The following SHCBP1L variants were observed in gnomAD, a reference collection of about 807,000 sequenced individuals.
SHCBP1L encodes SHC binding and spindle associated 1 like.
SHCBP1L carries 67 observed loss-of-function variants against 62.5 expected under a neutral mutation model. The ratio of observed to expected loss-of-function variants is 1.07; its 90% CI spans 0.88 to 1.31. The LOEUF is 1.31. SHCBP1L is among the 40% of genes most tolerant of loss of function. SHCBP1L has a pLI of 0.00. For synonymous variants in SHCBP1L, 284 were observed against 289.4 expected (o/e 0.98, Z 0.19); for missense variants, 823 against 809.8 (o/e 1.02, Z -0.20).
At chr1:182,944,148 A>ATAAATAAATAAATAAATAAG (rs1651473382) in intron 2 of SHCBP1L, among the ~76,000 whole-genome samples, 1 of 149,682 alleles carries the variant, frequency 6.7e-6, no homozygotes, top group Admixed American at 6.7e-5. Flanking sequence ...AAATAAATAA[A>ATAAATAAATAAATAAATAAG]TAAATAAAAG....
intron 5 of SHCBP1L, among the ~76,000 whole-genome samples, chr1:182,930,653 ATGTGTG>A (rs1182783771): frequency 0.055 from 1,336 of 24,506 alleles, 91 homozygotes; most frequent in Middle Eastern, 0.2. Context: ...CCTGGAGTAT[ATGTGTG>A]TGTGTGTGTG....
intron 6 of SHCBP1L, among the ~76,000 whole-genome samples, chr1:182,927,067 T>C (rs1650780650): frequency 6.2e-4 from 1 of 1,622 alleles, no homozygotes; most frequent in Non-Finnish European, 1.4e-3. Context: ...TATATATATA[T>C]ATATATATAT....
intron 6 of SHCBP1L, among the ~76,000 whole-genome samples, chr1:182,924,781 A>AG (rs1557996844): frequency 3.2e-4 from 35 of 108,672 alleles, no homozygotes; most frequent in African/African-American, 1.9e-3. Context: ...AGAAAGAAAG[A>AG]AAGAAAGAGA....
intron 5 of SHCBP1L, among the ~76,000 whole-genome samples, chr1:182,935,879 T>A (rs903870537): frequency 2.0e-5 from 3 of 152,224 alleles, no homozygotes; most frequent in African/African-American, 7.2e-5. Flanking sequence ...CCCTTTACTT[T>A]GAACATATCT....
intron 6 of SHCBP1L, among the ~76,000 whole-genome samples, chr1:182,922,487 G>A (rs1650556541): frequency 6.6e-6 from 1 of 151,764 alleles, no homozygotes; most frequent in South Asian, 2.1e-4. Flanking sequence ...CTGGAAGGTG[G>A]AGGTTGCAGT....
rs1370724836 is a variant in SHCBP1L at position 182,952,745 on chromosome 1, A to G, written c.389T>C (p.Val130Ala). The change falls in exon 1 of 10, where the codon GTG (valine) becomes GCG (alanine). Residue 130 changes from valine to alanine, a missense_variant. Physicochemically the swap from Val to Ala is moderately conservative, Grantham distance 64 (BLOSUM62 0). Coordinates refer to ENST00000367547, the MANE Select transcript of SHCBP1L (RefSeq NM_030933.4). ...DEKVSLYCDE[V>A]LQDCKAEDAD... ...TCCGCTCACCTTACAGTCCTGCAGC[A>G]CTTCGTCGCAATACAGCGACACCTT... 6 of 1,610,086 alleles carry G rather than the reference A, an allele frequency of 3.7e-6. No individual in the cohort carries two copies. Among genetic ancestry groups the G allele is most frequent in the Non-Finnish European group, 5.1e-6 (6 of 1,178,550 alleles).
At chr1:182,915,563 G>C (rs1390834127) in intron 6 of SHCBP1L, among the ~76,000 whole-genome samples, 2 of 152,074 alleles carry the variant, frequency 1.3e-5, no homozygotes, top group Non-Finnish European at 2.9e-5. Flanking sequence ...TAGAGGACTT[G>C]AACAACAGTA....
intron 1 of SHCBP1L, 106 bp downstream of exon 1, chr1:182,952,623 G>T: frequency 3.0e-6 from 4 of 1,343,218 alleles, no homozygotes; most frequent in East Asian, 2.6e-5. Flanking sequence ...GCAAGTTTTC[G>T]TTGTGCCCTG....
Position 182,905,559 on chromosome 1 carries a change from T to G in SHCBP1L, c.1273A>C (p.Ile425Leu). 6.2e-7 allele frequency: 1 copy of G among 1,613,728 alleles called. No homozygotes were observed. Among genetic ancestry groups the G allele is most frequent in the Non-Finnish European group, 8.5e-7 (1 of 1,179,826 alleles). ...DNCYSGDTVI[I>L]FPGEYQAANL... ...GCAGCTTGATATTCTCCTGGAAAAA[T>G]TATTACTGTATCTCCACTATAACAA... Residue 425 changes from isoleucine to leucine, a missense_variant, in exon 7 of 10, where the codon ATT becomes CTT. Coordinates refer to ENST00000367547, the MANE Select transcript of SHCBP1L (RefSeq NM_030933.4).
intron 6 of SHCBP1L, among the ~76,000 whole-genome samples, chr1:182,927,318 G>T (rs1241623267): frequency 6.6e-6 from 1 of 151,758 alleles, no homozygotes; most frequent in Non-Finnish European, 1.5e-5. Flanking sequence ...CGTCTAAGGG[G>T]TGGGTATAGA....
At chr1:182,926,362 A>G (rs569007150) in intron 6 of SHCBP1L, among the ~76,000 whole-genome samples, 1 of 152,336 alleles carries the variant, frequency 6.6e-6, no homozygotes, top group South Asian at 2.1e-4. Context: ...CACCTTCTGT[A>G]GCACTTCAGG....
intron 6 of SHCBP1L, among the ~76,000 whole-genome samples, chr1:182,913,445 C>A (rs547698213): frequency 6.6e-6 from 1 of 152,156 alleles, no homozygotes; most frequent in South Asian, 2.1e-4. Flanking sequence ...GAAAGCCCCA[C>A]ATATTTTGGG....
chr1:182,953,046 C>A lies in SHCBP1L; in HGVS notation c.88G>T (p.Val30Phe). 1 of 1,546,042 alleles carries A rather than the reference C, an allele frequency of 6.5e-7. No individual in the cohort carries two copies. The highest frequency in any genetic ancestry group is 8.7e-7 in the Non-Finnish European group (1 of 1,151,280). The change falls in exon 1 of 10, where the codon GTC becomes TTC. Residue 30 changes from valine to phenylalanine, a missense_variant. Physicochemically the swap from Val to Phe is conservative, Grantham distance 50. Coordinates refer to ENST00000367547, the MANE Select transcript of SHCBP1L (RefSeq NM_030933.4). ...GTCGCGGCCGCCGTGTCCCCGGAGA[C>A]AGCGGAGGCGGACTTCTCGCCTCGC... ...DRRGEKSASAVSGDTAAATTL... is the reference protein window; with the variant it reads ...DRRGEKSASAFSGDTAAATTL...
intron 6 of SHCBP1L, among the ~76,000 whole-genome samples, chr1:182,910,149 T>C (rs1650133869): frequency 6.6e-6 from 1 of 152,188 alleles, no homozygotes; most frequent in Admixed American, 6.5e-5. Context: ...GCTCTTCCAC[T>C]GAAGCAAACA....
chr1:182,924,297 ATTT>A (rs1216759641), intron 6 of SHCBP1L, among the ~76,000 whole-genome samples: 4 of 137,420 alleles, frequency 2.9e-5, no homozygotes, highest in Non-Finnish European at 3.1e-5. Flanking sequence ...AGAAGAATCA[ATTT>A]TTTTTTTTTT....
chr1:182,922,716 A>G (rs2101934249), intron 6 of SHCBP1L, among the ~76,000 whole-genome samples: 1 of 152,352 alleles, frequency 6.6e-6, no homozygotes, highest in Non-Finnish European at 1.5e-5. Context: ...GAGAACAAGG[A>G]TATAACATAC....
chr1:182,914,854 T>C (rs1650302071), intron 6 of SHCBP1L, among the ~76,000 whole-genome samples: 3 of 152,124 alleles, frequency 2.0e-5, no homozygotes, highest in Admixed American at 6.5e-5. Flanking sequence ...AGAAAAATAA[T>C]CCAACTATAT....
chr1:182,942,859 A>G (rs560578279), intron 2 of SHCBP1L, among the ~76,000 whole-genome samples: 1 of 152,332 alleles, frequency 6.6e-6, no homozygotes, highest in South Asian at 2.1e-4. Flanking sequence ...ATAAAACAAT[A>G]ATCACTTAAA....
At chr1:182,926,211 A>G (rs184222579) in intron 6 of SHCBP1L, among the ~76,000 whole-genome samples, 58 of 152,312 alleles carry the variant, frequency 3.8e-4, no homozygotes, top group Admixed American at 7.2e-4. Flanking sequence ...TTAAGAAAGG[A>G]AAAAAGATAC....
Sources: gnomAD v4.1 joint callset for allele counts (sites outside exome capture counted in the v4.1 genomes callset) on GRCh38, gnomAD v4.1.1 for gene constraint, MANE v1.5 for transcripts, NCBI Gene and HGNC (gene_info 2026-07-23, HGNC 2026-07-21) for gene names.